Variants in PCBP2 observed in about 807,000 individuals in gnomAD.
PCBP2 encodes poly(rC)-binding protein 2.
Under a neutral mutation model 50.1 loss-of-function variants are expected in PCBP2, and 4 were observed. The ratio of observed to expected loss-of-function variants is 0.08; its 90% CI spans 0.04 to 0.18. PCBP2 has a LOEUF of 0.18. Among genes scored for constraint, PCBP2 ranks in the 10% least tolerant of loss-of-function variants. PCBP2 has a pLI of 1.00. For synonymous variants in PCBP2, 179 were observed against 168.0 expected, an observed-to-expected ratio of 1.07 and a Z score of -0.51; for missense variants, 161 against 474.3, an observed-to-expected ratio of 0.34 and a Z score of 6.14.
intron 10 of PCBP2, among the ~76,000 whole-genome samples, chr12:53,466,285 T>A (rs1941817041): frequency 2.0e-5 from 3 of 152,222 alleles, no homozygotes; most frequent in Non-Finnish European, 4.4e-5. Context: ...AGGGCATAGT[T>A]TAAATTGACA....
At chr12:53,461,716 G>T (rs76732572) in intron 7 of PCBP2, among the ~76,000 whole-genome samples, 3 of 148,448 alleles carry the variant, frequency 2.0e-5, no homozygotes, top group Admixed American at 2.0e-4. Flanking sequence ...GAATTTTTTC[G>T]TGTGTGTGTG....
Position 53,454,758 on chromosome 12 carries a change from G to T in PCBP2, c.-43G>T. ...CTTTCACCCCCAACCAGTGACCAAA[G>T]ACTTGACCACTCAAAGTCCAGCTCC... On this transcript the variant is annotated 5_prime_UTR_variant, in exon 2 of 15. Coordinates refer to ENST00000546463, the MANE Select transcript of PCBP2 (RefSeq NM_031989.5). 1 of 1,564,556 alleles carries T rather than the reference G, an allele frequency of 6.4e-7. No individual in the cohort carries two copies. Among genetic ancestry groups the T allele is most frequent in the Non-Finnish European group, 8.8e-7 (1 of 1,135,132 alleles).
intron 4 of PCBP2, 141 bp from the exon 5 acceptor site, chr12:53,455,744 G>T: frequency 1.4e-6 from 1 of 707,678 alleles, no homozygotes. Flanking sequence ...GGATAGTCAT[G>T]GAGCAGTAGT....
intron 10 of PCBP2, among the ~76,000 whole-genome samples, 195 bp downstream of exon 10, chr12:53,466,168 C>T (rs141533828): frequency 2.7e-4 from 41 of 152,332 alleles, no homozygotes; most frequent in African/African-American, 8.4e-4. Flanking sequence ...TAACATTTAA[C>T]CCCTGAAATT....
chr12:53,468,745 A>C (rs1397814350), intron 12 of PCBP2, 32 bp from the exon 13 acceptor site: 1 of 1,569,494 alleles, frequency 6.4e-7, no homozygotes, highest in African/African-American at 1.4e-5. Context: ...AATGCTGTGC[A>C]TTGAATTTGC....
chr12:53,454,562 G>A (rs2137014416), intron 1 of PCBP2, 164 bp from the exon 2 acceptor site: 1 of 521,544 alleles, frequency 1.9e-6, no homozygotes, highest in Non-Finnish European at 3.5e-6. Context: ...CAGAACCTGA[G>A]CTGTATATTT....
intron 10 of PCBP2, among the ~76,000 whole-genome samples, chr12:53,466,563 C>G (rs57876976): frequency 6.6e-6 from 1 of 152,166 alleles, no homozygotes; most frequent in South Asian, 2.1e-4. Context: ...TTTATCCTTA[C>G]TAACCTTTTC....
intron 1 of PCBP2, among the ~76,000 whole-genome samples, chr12:53,453,717 T>TCTA (rs1489117387): frequency 1.3e-5 from 2 of 152,198 alleles, no homozygotes; most frequent in African/African-American, 4.8e-5. Context: ...AGAGGTCCTT[T>TCTA]CTAAAGCTGT....
intron 12 of PCBP2, chr12:53,468,307 A>T (rs1476299163): frequency 5.1e-6 from 1 of 197,044 alleles, no homozygotes; most frequent in Non-Finnish European, 1.0e-5. Context: ...GGTGGAGGGG[A>T]TTAATCTGAT....
chr12:53,459,243 G>A, intron 5 of PCBP2, 29 bp from the exon 6 acceptor site: 1 of 1,573,004 alleles, frequency 6.4e-7, no homozygotes, highest in South Asian at 1.1e-5. Context: ...CCAGGGATCT[G>A]CTTATTGTGG....
At chr12:53,460,933 T>C (rs1941409146) in intron 6 of PCBP2, 82 bp from the exon 7 acceptor site, 8 of 1,473,508 alleles carry the variant, frequency 5.4e-6, no homozygotes, top group Non-Finnish European at 7.5e-6. Context: ...TACTAGAGTT[T>C]TAGGCTCTGA....
Position 53,481,108 on chromosome 12 carries a change from C to CAT in PCBP2, c.*1681_*1682dup, listed in dbSNP as rs146607300. ...CCATCTTTCTGTTGATTATGTGGCG[C>CAT]ATATATATATATATATGTATATATA... is the stretch of plus-strand genomic sequence containing the variant. On this transcript the variant is annotated 3_prime_UTR_variant, in exon 15 of 15. Transcript: ENST00000546463. The CAT allele has an allele frequency of 0.012, 7,070 of 568,016 alleles. 3 individuals are homozygous for CAT. The highest frequency in any genetic ancestry group is 0.02 in the East Asian group (301 of 15,102). The allele number at this position is 568,016 out of a possible 1,614,324, so 35.2% of individuals were successfully genotyped here. A position where few individuals can be genotyped will look rare whatever the true frequency, so the allele number is the denominator to read the frequency against.
chr12:53,465,192 C>T (rs969043171), intron 9 of PCBP2: 1 of 211,418 alleles, frequency 4.7e-6, no homozygotes, highest in Admixed American at 5.9e-5. Context: ...ATCCTGTTAA[C>T]CAGCCACTCC....
chr12:53,462,484 C>T lies in PCBP2; in HGVS notation c.505-9C>T. ...CTTTTTGTTTTTTTCCCCTCTGACT[C>T]TCTCCCAGTCCCCCCCGAAGGGCGT... On this transcript the variant is annotated splice_polypyrimidine_tract_variant and intron_variant, in intron 7 of 14. Transcript: ENST00000546463. 1 of 1,606,058 alleles carries T rather than the reference C, an allele frequency of 6.2e-7. No homozygotes were observed. The highest frequency in any genetic ancestry group is 8.5e-7 in the Non-Finnish European group (1 of 1,174,564).
chr12:53,461,958 C>T (rs150382210), intron 7 of PCBP2, among the ~76,000 whole-genome samples: 101 of 152,250 alleles, frequency 6.6e-4, no homozygotes, highest in African/African-American at 2.0e-3. Flanking sequence ...ATCCACCCGC[C>T]TCAGCCTTCC....
intron 14 of PCBP2, among the ~76,000 whole-genome samples, chr12:53,477,561 G>T (rs146720418): frequency 0.011 from 1,639 of 150,748 alleles, 16 homozygotes; most frequent in African/African-American, 0.038. Flanking sequence ...AGCAACTCGG[G>T]AGGCTGAGGC....
intron 7 of PCBP2, 113 bp from the exon 8 acceptor site, chr12:53,462,379 AG>A: frequency 1.4e-6 from 1 of 729,160 alleles, no homozygotes; most frequent in South Asian, 2.1e-5. Flanking sequence ...TTGGTAGGTA[AG>A]GGGATGGAAA....
intron 13 of PCBP2, among the ~76,000 whole-genome samples, chr12:53,469,824 C>T (rs1259510312): frequency 6.9e-6 from 1 of 144,482 alleles, no homozygotes; most frequent in Non-Finnish European, 1.5e-5. Context: ...TCACTGTGAC[C>T]TCCGTCTCCT....
rs1215766714 is a variant in PCBP2 at position 53,455,338 on chromosome 12, C to G, written c.70-9C>G. ...TTCCTCTTACTGACGTTAGTTTTCTCCATTGCAGGAAGTTGGCAGTATCAT... is the reference window on the plus strand; with the variant it reads ...TTCCTCTTACTGACGTTAGTTTTCTGCATTGCAGGAAGTTGGCAGTATCAT... On this transcript the variant is annotated splice_polypyrimidine_tract_variant and intron_variant, in intron 2 of 14. Transcript: ENST00000546463. 6.2e-7 allele frequency: 1 copy of G among 1,612,988 alleles called. No individual in the cohort carries two copies. The highest frequency in any genetic ancestry group is 8.5e-7 in the Non-Finnish European group (1 of 1,179,282).
Sources: gnomAD v4.1 joint callset for allele counts (sites outside exome capture counted in the v4.1 genomes callset) on GRCh38, gnomAD v4.1.1 for gene constraint, MANE v1.5 for transcripts, NCBI Gene and HGNC (gene_info 2026-07-23, HGNC 2026-07-21) for gene names.